Variants in VTI1A observed in about 807,000 individuals in gnomAD.
The protein encoded by VTI1A is vesicle transport through interaction with t-SNAREs 1A.
A neutral mutation model predicts 34.9 loss-of-function variants in VTI1A; 22 were observed. That is an observed-to-expected ratio of 0.63 (90% CI 0.45 to 0.90). The LOEUF (loss-of-function observed/expected upper bound fraction) is 0.90, where lower values mean the gene tolerates loss of function less well. VTI1A is among the 40% of genes least tolerant of loss of function. The pLI is 0.00. For missense variants in VTI1A, 268 were observed against 275.6 expected (o/e 0.97, Z 0.20); for synonymous variants, 87 against 97.3 (o/e 0.89, Z 0.62).
intron 3 of VTI1A, among the ~76,000 whole-genome samples, chr10:112,520,304 A>C (rs1589856656): frequency 6.6e-6 from 1 of 152,032 alleles, no homozygotes; most frequent in African/African-American, 2.4e-5. Flanking sequence ...GATTTAAGAC[A>C]CAGCCACACC....
the VTI1A span, among the ~76,000 whole-genome samples, chr10:112,846,062 A>G: frequency 1.3e-5 from 2 of 152,160 alleles, no homozygotes; most frequent in Non-Finnish European, 2.9e-5. Context: ...TCCTTTCTGG[A>G]GAAGAGAAGA....
At chr10:112,736,958 G>A (rs41292624) in intron 7 of VTI1A, 41,082 of 613,406 alleles carry the variant, frequency 0.067, 3,228 homozygotes, top group East Asian at 0.25. Flanking sequence ...GACATCAAAT[G>A]TGCTGTGGTT....
At chr10:112,604,134 G>A (rs79173022) in intron 5 of VTI1A, among the ~76,000 whole-genome samples, 1 of 152,224 alleles carries the variant, frequency 6.6e-6, no homozygotes, top group East Asian at 1.9e-4. Flanking sequence ...GATCTGTTTT[G>A]TTAATTTTGC....
At chr10:112,553,724 C>T (rs746427841) in intron 5 of VTI1A, among the ~76,000 whole-genome samples, 6 of 152,186 alleles carry the variant, frequency 3.9e-5, no homozygotes, top group African/African-American at 1.4e-4. Context: ...TTTGAAGCTC[C>T]GCATTAATTC....
At chr10:112,705,852 C>A (rs1365260483) in intron 7 of VTI1A, among the ~76,000 whole-genome samples, 3 of 152,052 alleles carry the variant, frequency 2.0e-5, no homozygotes, top group African/African-American at 7.3e-5. Context: ...AAAGGCAAAA[C>A]AAACAAGACT....
chr10:112,747,332 G>A (rs941822217), intron 7 of VTI1A, among the ~76,000 whole-genome samples: 8 of 152,146 alleles, frequency 5.3e-5, no homozygotes, highest in African/African-American at 1.9e-4. Context: ...ATCGTTGTGC[G>A]AACATTACAG....
At position 112,634,931 on chromosome 10, in the gene VTI1A, G is replaced by A. The variant is rs146692078; in HGVS notation, c.428-33287G>A. Among the ~76,000 whole-genome samples, 891 of 152,202 alleles carry A rather than the reference G, an allele frequency of 5.9e-3. 1 individual carries two copies. The highest frequency in any genetic ancestry group is 9.3e-3 in the Non-Finnish European group (630 of 68,008). On this transcript the variant is annotated intron_variant, in intron 5 of 7. Coordinates refer to ENST00000393077, the MANE Select transcript of VTI1A (RefSeq NM_145206.4). ...ACATGCATAATAAATAAACTCTGGG[G>A]TTGAATCCTGGACTGAGTGGCCAAC...
At position 112,766,546 on chromosome 10, in the gene VTI1A, T is replaced by C. The variant is rs183084147; in HGVS notation, c.561-48744T>C. 1.1e-3 allele frequency among the ~76,000 whole-genome samples: 167 copies of C among 152,302 alleles called. 1 individual carries two copies. Among genetic ancestry groups the C allele is most frequent in the African/African-American group, 3.6e-3 (149 of 41,578 alleles). On this transcript the variant is annotated intron_variant, in intron 7 of 7. Coordinates refer to ENST00000393077, the MANE Select transcript of VTI1A (RefSeq NM_145206.4). ...CCATTGCATTCAAATTAATAGTCAA[T>C]AGGAAAATCAGGAACTAGATTCTCC...
chr10:112,736,105 G>GTATATATATATATATATA lies in VTI1A; in HGVS notation c.560+67108_560+67109insATATATATATATATATAT, dbSNP rs1296849590. Among the ~76,000 whole-genome samples, 3 of 90,270 alleles carry GTATATATATATATATATA rather than the reference G, an allele frequency of 3.3e-5. 1 individual carries two copies. Among genetic ancestry groups the GTATATATATATATATATA allele is most frequent in the East Asian group, 4.3e-4 (1 of 2,318 alleles). 59.2% of individuals were successfully genotyped at this position (90,270 alleles called of 152,430 possible). A position where few individuals can be genotyped will look rare whatever the true frequency, so the allele number is the denominator to read the frequency against. ...TATAGTATATTTTACATATATATGT[G>GTATATATATATATATATA]TGTGTGTATATATATATATATATAT... On this transcript the variant is annotated intron_variant, in intron 7 of 7. Transcript: ENST00000393077.
chr10:112,709,345 G>A (rs888153794), intron 7 of VTI1A, among the ~76,000 whole-genome samples: 13 of 152,238 alleles, frequency 8.5e-5, no homozygotes, highest in African/African-American at 3.1e-4. Context: ...AGTTCCCTAA[G>A]AGTGTCTGTC....
Position 112,527,135 on chromosome 10 carries a change from G to C in VTI1A, c.313G>C (p.Gly105Arg), listed in dbSNP as rs761493613. The C allele has an allele frequency of 1.2e-6, 2 of 1,613,384 alleles. No homozygotes were observed. The highest frequency in any genetic ancestry group is 1.7e-6 in the Non-Finnish European group (2 of 1,179,640). Residue 105 changes from glycine to arginine, a missense_variant, in exon 4 of 8, where the codon GGG becomes CGG. Transcript: ENST00000393077. Reference protein sequence around the residue: ...YSDEVRNELLGDDGNSSENQR... With the variant: ...YSDEVRNELLRDDGNSSENQR... Reference sequence around the variant, plus strand: ...TGACGAAGTACGGAATGAGCTCCTGGGGGATGATGGGAATTCCTCAGAGAA... The same window carrying C: ...TGACGAAGTACGGAATGAGCTCCTGCGGGATGATGGGAATTCCTCAGAGAA...
chr10:112,827,595 A>C, the VTI1A span: 1 of 152,110 alleles, frequency 6.6e-6, no homozygotes, highest in Non-Finnish European at 1.5e-5. Flanking sequence ...TATTCCATCA[A>C]GTAATTTATT....
the VTI1A span, among the ~76,000 whole-genome samples, chr10:112,847,978 C>T: frequency 1.3e-5 from 2 of 152,200 alleles, no homozygotes; most frequent in African/African-American, 4.8e-5. Flanking sequence ...GAAGAACCAC[C>T]CAGCTAAGCC....
downstream of VTI1A, among the ~76,000 whole-genome samples, chr10:112,820,473 G>A (rs1240907351): frequency 6.6e-6 from 1 of 152,244 alleles, no homozygotes. Flanking sequence ...ACTCAGACCA[G>A]TGGCACCTGC....
At chr10:112,822,728 G>A (rs910359126), downstream of VTI1A, among the ~76,000 whole-genome samples, 5 of 152,168 alleles carry the variant, frequency 3.3e-5, no homozygotes, top group African/African-American at 1.2e-4. Context: ...ACTCGAGTGA[G>A]AACTAGAGGG....
chr10:112,651,046 G>C (rs890746882), intron 5 of VTI1A, among the ~76,000 whole-genome samples: 3 of 151,946 alleles, frequency 2.0e-5, no homozygotes, highest in African/African-American at 7.2e-5. Flanking sequence ...TTCTCTTCCT[G>C]TTGAGCAATT....
At chr10:112,497,719 C>G (rs1036953808) in intron 3 of VTI1A, among the ~76,000 whole-genome samples, 1 of 152,182 alleles carries the variant, frequency 6.6e-6, no homozygotes, top group African/African-American at 2.4e-5. Context: ...TGTAAACCCA[C>G]AAACCACACT....
chr10:112,661,059 C>T (rs10885368), intron 5 of VTI1A, among the ~76,000 whole-genome samples: 41,034 of 151,890 alleles, frequency 0.27, 6,729 homozygotes, highest in East Asian at 0.68. Flanking sequence ...TGCCTCACTG[C>T]AACCTCCGCC....
At chr10:112,657,819 GTT>G (rs869261149) in intron 5 of VTI1A, among the ~76,000 whole-genome samples, 15,791 of 149,892 alleles carry the variant, frequency 0.11, 2,192 homozygotes, top group African/African-American at 0.33. Flanking sequence ...GTGTGTGTGT[GTT>G]TGTGTGTGTA....
Sources: allele counts gnomAD v4.1 joint callset (sites outside exome capture counted in the v4.1 genomes callset), GRCh38; gene constraint gnomAD v4.1.1; transcripts MANE v1.5; gene names NCBI Gene and HGNC (gene_info 2026-07-23, HGNC 2026-07-21).